Variants in ZNF385C observed in about 807,000 individuals in gnomAD.
ZNF385C encodes the protein CTD-2132N18.2.
Under a neutral mutation model 35.4 loss-of-function variants are expected in ZNF385C, and 28 were observed. The ratio of observed to expected loss-of-function variants is 0.79; its 90% CI spans 0.59 to 1.08. ZNF385C has a LOEUF of 1.08. Ranked by LOEUF, ZNF385C falls within the 50% of genes least tolerant of loss-of-function variation. The probability of loss-of-function intolerance (pLI) is 0.00; values close to 1 mark genes in which losing one functional copy is unlikely to be tolerated. For missense variants in ZNF385C, 605 were observed against 595.6 expected, an observed-to-expected ratio of 1.02 and a Z score of -0.16; for synonymous variants, 248 against 248.2, an observed-to-expected ratio of 1.00 and a Z score of 0.01.
At chr17:42,065,265 C>A (rs1198385108) in intron 1 of ZNF385C, 1 of 152,228 alleles carries the variant, frequency 6.6e-6, no homozygotes, top group African/African-American at 2.4e-5. Flanking sequence ...CCTCCTGACA[C>A]CTTGATCTTG....
chr17:42,029,607 G>A (rs1207759175), intron 5 of ZNF385C, among the ~76,000 whole-genome samples: 2 of 152,136 alleles, frequency 1.3e-5, no homozygotes, highest in East Asian at 1.9e-4. Flanking sequence ...CCAGCTACTC[G>A]GGAGGCTGAG....
chr17:42,060,206 C>T (rs1359799152), intron 2 of ZNF385C, among the ~76,000 whole-genome samples: 2 of 152,150 alleles, frequency 1.3e-5, no homozygotes, highest in Non-Finnish European at 2.9e-5. Context: ...CCGTGGCACC[C>T]CCCACACACC....
chr17:42,028,004 C>T, intron 7 of ZNF385C, 46 bp downstream of exon 7: 5 of 1,300,018 alleles, frequency 3.8e-6, no homozygotes, highest in African/African-American at 1.5e-5. Context: ...TGCCCCCCAA[C>T]CCCCTCCCCT....
In ZNF385C at chr17:42,027,172, C is replaced by T. The variant is rs116887825; in HGVS notation, c.1276-39G>A. 5.7e-4 allele frequency: 896 copies of T among 1,581,980 alleles called. 3 individuals carry two copies. Among genetic ancestry groups the T allele is most frequent in the Middle Eastern group, 3.9e-3 (19 of 4,928 alleles). On this transcript the variant is annotated intron_variant, in intron 8 of 8. Coordinates refer to ENST00000692273, the MANE Select transcript of ZNF385C (RefSeq NM_001392013.1). Reference sequence around the variant, plus strand: ...AAAGGAATGGACACAGTCTCCACCCCAGAAAACCCCACCCCCTCCCTGGGG... The same window carrying T: ...AAAGGAATGGACACAGTCTCCACCCTAGAAAACCCCACCCCCTCCCTGGGG...
At chr17:42,088,611 G>A (rs952510216) in intron 1 of ZNF385C, among the ~76,000 whole-genome samples, 1 of 152,228 alleles carries the variant, frequency 6.6e-6, no homozygotes, top group South Asian at 2.1e-4. Flanking sequence ...CTCCCTCAGT[G>A]CAAAGAAGGA....
At chr17:42,043,264 T>C in intron 2 of ZNF385C, 1 of 1,232,278 alleles carries the variant, frequency 8.1e-7, no homozygotes, top group Non-Finnish European at 1.0e-6. Context: ...CTTCCGCTCA[T>C]AGTCAAAGTC....
chr17:42,085,430 G>T (rs918922725), intron 1 of ZNF385C, among the ~76,000 whole-genome samples: 4 of 151,166 alleles, frequency 2.6e-5, no homozygotes, highest in African/African-American at 7.3e-5. Flanking sequence ...CACCACGTCC[G>T]GCTAATTTTT....
At chr17:42,054,489 TG>T (rs1489289434) in intron 2 of ZNF385C, among the ~76,000 whole-genome samples, 1 of 152,030 alleles carries the variant, frequency 6.6e-6, no homozygotes, top group East Asian at 1.9e-4. Context: ...CCAGGTGTCT[TG>T]CCACTGTTAG....
chr17:42,034,425 G>C (rs1297606099), intron 3 of ZNF385C, 90 bp from the exon 4 acceptor site: 2 of 834,924 alleles, frequency 2.4e-6, no homozygotes, highest in African/African-American at 3.4e-5. Flanking sequence ...AACTAAAGAT[G>C]ACTGAAGAGG....
At chr17:42,067,715 G>A (rs1555658529) in intron 1 of ZNF385C, among the ~76,000 whole-genome samples, 3 of 152,066 alleles carry the variant, frequency 2.0e-5, no homozygotes, top group Non-Finnish European at 4.4e-5. Flanking sequence ...TCATCACAGC[G>A]ACTCTCCTGC....
rs1480805192 is a variant in ZNF385C at position 42,072,231 on chromosome 17, GC to G, written c.-2-9174del. 2.0e-5 allele frequency among the ~76,000 whole-genome samples: 3 copies of G among 151,988 alleles called. No homozygotes were observed. The East Asian group carries it at 5.8e-4, about 29-fold the overall frequency. ...AAAAGACGGTGGGTTATCTGGTCGCGCCCCCTATCTCCGGAGAATGGTCCTC... is the reference window on the plus strand; with the variant it reads ...AAAAGACGGTGGGTTATCTGGTCGCGCCCCTATCTCCGGAGAATGGTCCTC... On this transcript the variant is annotated intron_variant, in intron 1 of 8. Transcript: ENST00000692273.
Position 42,056,853 on chromosome 17 carries a change from G to A in ZNF385C, c.250+5954C>T, listed in dbSNP as rs1040966553. 3.9e-5 allele frequency among the ~76,000 whole-genome samples: 6 copies of A among 152,240 alleles called. No homozygotes were observed. The East Asian group carries it at 1.2e-3, about 29-fold the overall frequency. Reference sequence around the variant, plus strand: ...CCGTCATGACTGTGAGGCCTCCCCAGCCATGTGGAACTGTGAATCCATTAA... The same window carrying A: ...CCGTCATGACTGTGAGGCCTCCCCAACCATGTGGAACTGTGAATCCATTAA... On this transcript the variant is annotated intron_variant, in intron 2 of 8. Coordinates refer to ENST00000692273, the MANE Select transcript of ZNF385C (RefSeq NM_001392013.1).
intron 2 of ZNF385C, among the ~76,000 whole-genome samples, chr17:42,054,671 T>C (rs2053344234): frequency 1.4e-5 from 2 of 148,004 alleles, no homozygotes; most frequent in African/African-American, 2.5e-5. Context: ...AACCTCTGCC[T>C]CCCGGGTTCA....
rs2052593960 is a variant in ZNF385C, at chr17:42,026,982, G to A, written c.1427C>T (p.Ala476Val). 6.2e-7 allele frequency: 1 copy of A among 1,611,604 alleles called. No homozygotes were observed. The highest frequency in any genetic ancestry group is 1.7e-5 in the Admixed American group (1 of 59,778). The change falls in exon 9 of 9, where the codon GCT (alanine) becomes GTT (valine). Residue 476 changes from alanine (A) to valine (V), a missense_variant. Physicochemically the swap from Ala to Val is moderately conservative, Grantham distance 64 (BLOSUM62 0). Transcript: ENST00000692273. Reference sequence around the variant, plus strand: ...AAACAGAGCTGGGCCCAGGATGGGAGCCGGGAAGAGGGTAGTGGCTGCTGT... The same window carrying A: ...AAACAGAGCTGGGCCCAGGATGGGAACCGGGAAGAGGGTAGTGGCTGCTGT... The part of the protein sequence containing the change: ...APTAATTLFP[A>V]PILGPALFRT...
chr17:42,027,168 A>G (rs369058181), intron 8 of ZNF385C, 35 bp from the exon 9 acceptor site: 69 of 1,579,002 alleles, frequency 4.4e-5, no homozygotes, highest in Admixed American at 1.7e-5. Flanking sequence ...CACAGTCTCC[A>G]CCCCAGAAAA....
At chr17:42,057,516 G>GTA (rs1555657641) in intron 2 of ZNF385C, among the ~76,000 whole-genome samples, 1 of 142,352 alleles carries the variant, frequency 7.0e-6, no homozygotes, top group Non-Finnish European at 1.5e-5. Flanking sequence ...GCGCGCGCGT[G>GTA]TGTGTGTGTG....
At chr17:42,097,237 C>T (rs996148339) in intron 1 of ZNF385C, among the ~76,000 whole-genome samples, 2 of 152,128 alleles carry the variant, frequency 1.3e-5, no homozygotes, top group African/African-American at 4.8e-5. Flanking sequence ...TTCAAGGTCA[C>T]GCAGTAGGTA....
intron 2 of ZNF385C, among the ~76,000 whole-genome samples, chr17:42,045,733 T>C (rs1272244606): frequency 6.6e-6 from 1 of 152,160 alleles, no homozygotes; most frequent in African/African-American, 2.4e-5. Context: ...TGCATGGTCA[T>C]TTCCCCCAGA....
chr17:42,097,108 T>C (rs1478511351), intron 1 of ZNF385C, among the ~76,000 whole-genome samples: 1 of 152,054 alleles, frequency 6.6e-6, no homozygotes, highest in Non-Finnish European at 1.5e-5. Context: ...CCAGGCACTG[T>C]GCTAAGCGCT....
Sources: gnomAD v4.1 joint callset for allele counts (sites outside exome capture counted in the v4.1 genomes callset) on GRCh38, gnomAD v4.1.1 for gene constraint, MANE v1.5 for transcripts, NCBI Gene and HGNC (gene_info 2026-07-23, HGNC 2026-07-21) for gene names.